POLR2F: variants seen among roughly 807,000 people sequenced by gnomAD.
The protein encoded by POLR2F is RNA polymerase II, I and III subunit F.
In POLR2F, 12 loss-of-function variants were observed where a neutral mutation model predicts 22.7. The ratio of observed to expected loss-of-function variants is 0.53; its 90% CI spans 0.34 to 0.86. The LOEUF (loss-of-function observed/expected upper bound fraction) is 0.86, where lower values mean the gene tolerates loss of function less well. Ranked by LOEUF, POLR2F falls within the 40% of genes least tolerant of loss-of-function variation. The pLI, the probability that POLR2F is intolerant of heterozygous loss-of-function variation, is 0.02. For missense variants in POLR2F, 126 were observed against 171.5 expected (o/e 0.73, Z 1.48); for synonymous variants, 57 against 66.0 (o/e 0.86, Z 0.66).
chr22:38,037,477 T>C (rs1339875211), intron 5 of POLR2F, among the ~76,000 whole-genome samples: 2 of 149,244 alleles, frequency 1.3e-5, no homozygotes, highest in African/African-American at 2.5e-5. Context: ...GATCTTGCTA[T>C]GTTGCCCAGG....
chr22:37,986,126 C>G, upstream of POLR2F: 1 of 1,502,916 alleles, frequency 6.7e-7, no homozygotes. This position sits in a 1 kb window ranked among gnomAD's most constrained non-coding sequence, Gnocchi z 4.7. Context: ...GTGATTAACA[C>G]ACACACACAT....
At chr22:37,972,605 A>G (rs1051662861), downstream of POLR2F, 10 of 214,432 alleles carry the variant, frequency 4.7e-5, no homozygotes, top group South Asian at 6.1e-4. Context: ...CCTGGAGCCA[A>G]GGGTTAGGGC....
At chr22:37,984,703 C>A (rs577175484), upstream of POLR2F, among the ~76,000 whole-genome samples, 6 of 152,190 alleles carry the variant, frequency 3.9e-5, no homozygotes, top group East Asian at 1.9e-4. This position sits in a 1 kb window ranked among gnomAD's most constrained non-coding sequence, Gnocchi z 4.4. Context: ...CAGGCCCCCC[C>A]ACCCAGCTCC....
intron 1 of POLR2F, among the ~76,000 whole-genome samples, chr22:38,006,455 A>G (rs1394987086): frequency 6.6e-6 from 1 of 152,144 alleles, no homozygotes; most frequent in Non-Finnish European, 1.5e-5. Flanking sequence ...CTCAGCAAAT[A>G]TTTAGCAGGC....
downstream of POLR2F, chr22:37,971,352 A>G (rs561998024): frequency 7.0e-5 from 33 of 469,368 alleles, no homozygotes; most frequent in South Asian, 5.1e-4. Flanking sequence ...TGAATGACAT[A>G]AAACCCTTGG....
At chr22:38,000,125 A>G (rs2084755744) in intron 1 of POLR2F, among the ~76,000 whole-genome samples, 1 of 152,150 alleles carries the variant, frequency 6.6e-6, no homozygotes, top group Non-Finnish European at 1.5e-5. Flanking sequence ...CCGGAACATG[A>G]TGCCTCCCCT....
chr22:37,987,999 A>T (rs1601891267), intron 1 of POLR2F: 1 of 152,296 alleles, frequency 6.6e-6, no homozygotes, highest in African/African-American at 2.4e-5. Flanking sequence ...TTCTTGTTGA[A>T]TTTACAATCA....
intron 1 of POLR2F, among the ~76,000 whole-genome samples, chr22:38,023,070 C>T (rs2084975122): frequency 6.6e-6 from 1 of 152,162 alleles, no homozygotes; most frequent in Admixed American, 6.5e-5. Flanking sequence ...TTGAGATTCT[C>T]CTTCTGTGCT....
At chr22:37,988,691 G>A (rs1932656000) in intron 1 of POLR2F, 1 of 154,258 alleles carries the variant, frequency 6.5e-6, no homozygotes, top group African/African-American at 2.4e-5. Flanking sequence ...ACATACTGGA[G>A]CCTAGATCCC....
At position 38,017,823 on chromosome 22, in the gene POLR2F, T is replaced by C. The variant is rs1226271745; in HGVS notation, c.121-8046T>C. Among the ~76,000 whole-genome samples, 1 of 152,192 alleles carries C rather than the reference T, an allele frequency of 6.6e-6. No homozygotes were observed. Among genetic ancestry groups the C allele is most frequent in the Admixed American group, 6.5e-5 (1 of 15,276 alleles). The stretch of plus-strand genomic sequence containing the variant: ...TTTGGGAAGTTCTTTCTGAACTCTG[T>C]CTCCCTGCAGCTTCTACCCTTTGGT... On this transcript the variant is annotated intron_variant, in intron 1 of 2. Transcript: ENST00000333418. This position sits in a 1 kb window ranked among gnomAD's most constrained non-coding sequence, Gnocchi z 4.1.
chr22:37,988,947 C>G (rs1287549535), intron 1 of POLR2F: 1 of 153,094 alleles, frequency 6.5e-6, no homozygotes, highest in Non-Finnish European at 1.5e-5. Flanking sequence ...GGAGGGCCGA[C>G]GGGCACAGGT....
chr22:38,015,861 T>C (rs1392989901), intron 1 of POLR2F, among the ~76,000 whole-genome samples: 1 of 152,198 alleles, frequency 6.6e-6, no homozygotes, highest in Non-Finnish European at 1.5e-5. Flanking sequence ...ATTATCCTCA[T>C]TTTACTGATG....
At chr22:37,973,995 G>A (rs1156914023), downstream of POLR2F, 2 of 1,613,296 alleles carry the variant, frequency 1.2e-6, no homozygotes, top group Admixed American at 1.7e-5. Flanking sequence ...TTGGGCGGCA[G>A]GTACTGGTCC....
At position 37,978,277 on chromosome 22, in the gene POLR2F, G is replaced by A; in HGVS notation, c.293+11107G>A. 1.1e-6 allele frequency: 1 copy of A among 876,760 alleles called. No individual in the cohort carries two copies. Among genetic ancestry groups the A allele is most frequent in the South Asian group, 1.9e-5 (1 of 53,414 alleles). The allele number at this position is 876,760 out of a possible 1,614,324, so 54.3% of individuals were successfully genotyped here. On this transcript the variant is annotated intron_variant, in intron 4 of 4. Transcript: ENST00000405557. The surrounding 1 kb of genome is among the most constrained non-coding windows in gnomAD (Gnocchi z 5.0). ...GCACCCAGAGGACAGGACCCGGGGT[G>A]GGGGCTGTGCCCTATGATTTGTGGA...
At chr22:37,999,145 C>T (rs1285591796) in intron 1 of POLR2F, among the ~76,000 whole-genome samples, 2 of 152,136 alleles carry the variant, frequency 1.3e-5, no homozygotes, top group Non-Finnish European at 2.9e-5. Context: ...CCCAGTCTGC[C>T]CCCATCTTTG....
At chr22:38,014,969 G>A (rs374066181) in intron 1 of POLR2F, among the ~76,000 whole-genome samples, 6 of 151,070 alleles carry the variant, frequency 4.0e-5, no homozygotes, top group Admixed American at 6.6e-5. Context: ...CACCACGCCC[G>A]GCTAATTTTT....
rs533550012 is a variant in POLR2F, at chr22:38,025,530, C to A, written c.121-339C>A. 4.2e-6 allele frequency: 6 copies of A among 1,432,204 alleles called. No homozygotes were observed. The South Asian group carries it at 6.7e-5, about 16-fold the overall frequency. The allele number at this position is 1,432,204 out of a possible 1,614,324, so 88.7% of individuals were successfully genotyped here. On this transcript the variant is annotated intron_variant, in intron 1 of 2. Transcript: ENST00000333418. ...CAACATTCACAAATTCCCTGATCGT[C>A]CCCCTCGTTTGCCTGTCCACGCCCT... is the stretch of plus-strand genomic sequence containing the variant.
chr22:37,983,689 C>T (rs1287431015), upstream of POLR2F: 2 of 1,543,792 alleles, frequency 1.3e-6, no homozygotes, highest in South Asian at 1.2e-5. The surrounding 1 kb of genome is among the most constrained non-coding windows in gnomAD (Gnocchi z 9.5). Context: ...CGCCGTCGGG[C>T]CCTAGCGAGG....
chr22:37,995,822 T>A (rs2084707576), intron 1 of POLR2F, among the ~76,000 whole-genome samples: 1 of 148,460 alleles, frequency 6.7e-6, no homozygotes. Context: ...CGAAACCCCA[T>A]CTCTACTAAA....
Sources: allele counts gnomAD v4.1 joint callset (sites outside exome capture counted in the v4.1 genomes callset), GRCh38; gene constraint gnomAD v4.1.1; non-coding constraint Gnocchi (gnomAD v3.1); transcripts MANE v1.5; gene names NCBI Gene and HGNC (gene_info 2026-07-23, HGNC 2026-07-21).